ADAMTS18: variants seen among roughly 807,000 people sequenced by gnomAD.
The protein encoded by ADAMTS18 is A disintegrin and metalloproteinase with thrombospondin motifs 18.
Under a neutral mutation model 165.9 loss-of-function variants are expected in ADAMTS18, and 157 were observed. The observed-to-expected ratio is 0.95, with a 90% CI of 0.83 to 1.08. The LOEUF (loss-of-function observed/expected upper bound fraction) is 1.08. Ranked by LOEUF, ADAMTS18 falls within the 50% of genes least tolerant of loss-of-function variation. The probability of loss-of-function intolerance (pLI) is 0.00; values close to 1 mark genes in which losing one functional copy is unlikely to be tolerated. For synonymous variants in ADAMTS18, 782 were observed against 578.2 expected (o/e 1.35, Z -5.06); for missense variants, 2,040 against 1,534.0 (o/e 1.33, Z -5.51).
At chr16:77,291,514 T>A in intron 20 of ADAMTS18, 36 bp from the exon 21 acceptor site, 1 of 1,599,218 alleles carries the variant, frequency 6.3e-7, no homozygotes, top group Non-Finnish European at 8.6e-7. Flanking sequence ...AAGTGAAGAC[T>A]GCCAGGATCA....
At chr16:77,326,753 T>C (rs564391850) in intron 12 of ADAMTS18, among the ~76,000 whole-genome samples, 50 of 152,392 alleles carry the variant, frequency 3.3e-4, no homozygotes, top group African/African-American at 1.1e-3. Context: ...CAGGGGTACA[T>C]GTAAAGTTTT....
chr16:77,286,529 T>G (rs1165711360), intron 22 of ADAMTS18, among the ~76,000 whole-genome samples: 1 of 152,206 alleles, frequency 6.6e-6, no homozygotes, highest in Non-Finnish European at 1.5e-5. Flanking sequence ...AAGCATTATT[T>G]CCCAGTTTTA....
chr16:77,352,275 A>G (rs912216557), intron 10 of ADAMTS18, among the ~76,000 whole-genome samples: 1 of 139,198 alleles, frequency 7.2e-6, no homozygotes, highest in African/African-American at 2.7e-5. Flanking sequence ...TAAATGAATA[A>G]TAATATAGAG....
At chr16:77,320,280 A>C (rs1000250997) in intron 15 of ADAMTS18, among the ~76,000 whole-genome samples, 187 bp from the exon 16 acceptor site, 1 of 152,234 alleles carries the variant, frequency 6.6e-6, no homozygotes, top group Admixed American at 6.5e-5. Flanking sequence ...AGAACACTAG[A>C]GAAAATGTAT....
chr16:77,366,774 A>C (rs2056801015), intron 4 of ADAMTS18, among the ~76,000 whole-genome samples: 1 of 152,198 alleles, frequency 6.6e-6, no homozygotes, highest in Non-Finnish European at 1.5e-5. Context: ...GATTTCCAAA[A>C]CTTAACAGGA....
chr16:77,343,367 C>G (rs1447747601), intron 10 of ADAMTS18, among the ~76,000 whole-genome samples: 1 of 152,250 alleles, frequency 6.6e-6, no homozygotes, highest in Non-Finnish European at 1.5e-5. Context: ...AGCCACCTTG[C>G]CTGGCCTGAT....
At chr16:77,350,807 G>T (rs192595341) in intron 10 of ADAMTS18, among the ~76,000 whole-genome samples, 1 of 152,050 alleles carries the variant, frequency 6.6e-6, no homozygotes, top group Admixed American at 6.6e-5. Flanking sequence ...ACAAGTTTCA[G>T]GTCTTGCCGA....
chr16:77,317,508 AT>A (rs765717602), intron 16 of ADAMTS18, among the ~76,000 whole-genome samples: 1 of 152,080 alleles, frequency 6.6e-6, no homozygotes, highest in Non-Finnish European at 1.5e-5. Flanking sequence ...TAATTTTTGT[AT>A]TTTTAGTAGA....
intron 3 of ADAMTS18, among the ~76,000 whole-genome samples, chr16:77,423,613 A>G (rs985981595): frequency 2.6e-5 from 4 of 152,200 alleles, no homozygotes; most frequent in African/African-American, 9.6e-5. Context: ...TTACGTAGCT[A>G]GCAAAGACAA....
At chr16:77,365,765 G>T (rs1597177475) in intron 4 of ADAMTS18, among the ~76,000 whole-genome samples, 2 of 152,300 alleles carry the variant, frequency 1.3e-5, no homozygotes, top group East Asian at 3.9e-4. Flanking sequence ...TGTAACACTG[G>T]TCCAGCCGTA....
chr16:77,370,560 G>C (rs1051161004), intron 3 of ADAMTS18, among the ~76,000 whole-genome samples: 8 of 152,080 alleles, frequency 5.3e-5, no homozygotes, highest in Non-Finnish European at 8.8e-5. Flanking sequence ...GACCAGCCTG[G>C]CCAACATGGT....
At chr16:77,337,110 T>C (rs1339350804) in intron 11 of ADAMTS18, among the ~76,000 whole-genome samples, 1 of 152,230 alleles carries the variant, frequency 6.6e-6, no homozygotes, top group Non-Finnish European at 1.5e-5. Flanking sequence ...ATGTGCTGAT[T>C]AATTCTTCTG....
At chr16:77,304,785 T>C (rs1338180875) in intron 16 of ADAMTS18, among the ~76,000 whole-genome samples, 2 of 152,212 alleles carry the variant, frequency 1.3e-5, no homozygotes, top group Non-Finnish European at 2.9e-5. Context: ...ATAAAATACA[T>C]AGTAGCTATT....
chr16:77,388,616 G>A (rs2057142531), intron 3 of ADAMTS18, among the ~76,000 whole-genome samples: 1 of 152,166 alleles, frequency 6.6e-6, no homozygotes, highest in Non-Finnish European at 1.5e-5. Flanking sequence ...GGCTTGCTCT[G>A]AGCACTGAAG....
At chr16:77,373,043 T>G (rs1597188550) in intron 3 of ADAMTS18, among the ~76,000 whole-genome samples, 1 of 152,218 alleles carries the variant, frequency 6.6e-6, no homozygotes, top group African/African-American at 2.4e-5. Flanking sequence ...TTGAACCTAG[T>G]AACTTCTTCC....
At chr16:77,416,796 T>C (rs1347110109) in intron 3 of ADAMTS18, among the ~76,000 whole-genome samples, 2 of 152,066 alleles carry the variant, frequency 1.3e-5, no homozygotes, top group Non-Finnish European at 2.9e-5. Context: ...AAGAATAGAC[T>C]AAAGGGACAG....
chr16:77,285,020 T>G (rs1394516155), intron 22 of ADAMTS18, among the ~76,000 whole-genome samples: 1 of 152,210 alleles, frequency 6.6e-6, no homozygotes, highest in East Asian at 1.9e-4. Flanking sequence ...ACACCAGTCC[T>G]TTCTAATTTC....
chr16:77,355,073 G>A (rs1044916235), intron 9 of ADAMTS18, among the ~76,000 whole-genome samples: 1 of 152,074 alleles, frequency 6.6e-6, no homozygotes, highest in Non-Finnish European at 1.5e-5. Context: ...ATAATACACA[G>A]TGGTACAGGT....
intron 3 of ADAMTS18, among the ~76,000 whole-genome samples, chr16:77,378,706 CTG>C (rs2056989265): frequency 6.6e-6 from 1 of 151,980 alleles, no homozygotes; most frequent in South Asian, 2.1e-4. Flanking sequence ...CAGAGTGAAA[CTG>C]TGTCTCAAAA....
Sources: gnomAD v4.1 joint callset for allele counts (sites outside exome capture counted in the v4.1 genomes callset) on GRCh38, gnomAD v4.1.1 for gene constraint, MANE v1.5 for transcripts, NCBI Gene and HGNC (gene_info 2026-07-23, HGNC 2026-07-21) for gene names.